The following TTBK2 variants were observed in gnomAD, a reference collection of about 807,000 sequenced individuals.
TTBK2 encodes the protein tau tubulin kinase 2, also known as tau-tubulin kinase 2.
In TTBK2, 28 loss-of-function variants were observed where a neutral mutation model predicts 110.8. The ratio of observed to expected loss-of-function variants is 0.25; its 90% CI spans 0.19 to 0.35. The LOEUF (loss-of-function observed/expected upper bound fraction) is 0.35, where lower values mean the gene tolerates loss of function less well. Among genes scored for constraint, TTBK2 ranks in the 10% least tolerant of loss-of-function variants. The probability of loss-of-function intolerance (pLI) is 1.00; values close to 1 mark genes in which losing one functional copy is unlikely to be tolerated. For missense variants in TTBK2, 1,369 were observed against 1,500.3 expected, an observed-to-expected ratio of 0.91 and a Z score of 1.45; for synonymous variants, 532 against 527.3, an observed-to-expected ratio of 1.01 and a Z score of -0.12.
chr15:42,787,710 C>T (rs1484034530), intron 10 of TTBK2, among the ~76,000 whole-genome samples: 1 of 152,134 alleles, frequency 6.6e-6, no homozygotes, highest in African/African-American at 2.4e-5. Context: ...CATAGGTTTT[C>T]CTCTGATCTT....
chr15:42,901,590 G>A, intron 1 of TTBK2, among the ~76,000 whole-genome samples: 1 of 149,418 alleles, frequency 6.7e-6, no homozygotes, highest in Admixed American at 6.7e-5. Context: ...AAGTCCAGCT[G>A]GGCAAAATAG....
intron 9 of TTBK2, among the ~76,000 whole-genome samples, chr15:42,796,712 A>G (rs1031594615): frequency 6.6e-6 from 1 of 152,230 alleles, no homozygotes; most frequent in Non-Finnish European, 1.5e-5. Flanking sequence ...TATATGCTCC[A>G]AGATGCTGAC....
At chr15:42,830,158 C>A in intron 4 of TTBK2, 80 bp from the exon 5 acceptor site, 2 of 1,539,304 alleles carry the variant, frequency 1.3e-6, no homozygotes, top group South Asian at 1.2e-5. Context: ...ACTCACTTAC[C>A]ATTAAAAGAT....
intron 4 of TTBK2, among the ~76,000 whole-genome samples, chr15:42,836,135 G>C (rs994440460): frequency 2.6e-5 from 4 of 151,944 alleles, no homozygotes; most frequent in African/African-American, 9.7e-5. Context: ...ACCTGGCTAA[G>C]GTCTTGTAAG....
Position 42,801,911 on chromosome 15 carries a change from T to C in TTBK2, c.823-7110A>G, listed in dbSNP as rs761083204. ...CTGAAGTCCTCCACCAGCCCATGCA[T>C]GTTGCCAAGCTCCGCCTCCAGCTTC... On this transcript the variant is annotated intron_variant, in intron 9 of 14. Transcript: ENST00000267890. The C allele has an allele frequency of 1.9e-6, 3 of 1,564,874 alleles. No individual in the cohort carries two copies. The Admixed American group carries it at 5.0e-5, about 26-fold the overall frequency.
intron 4 of TTBK2, among the ~76,000 whole-genome samples, chr15:42,838,860 G>C (rs1164506156): frequency 6.6e-6 from 1 of 152,000 alleles, no homozygotes; most frequent in East Asian, 1.9e-4. Context: ...CTGATGAAAA[G>C]AAAAAGAAAA....
intron 1 of TTBK2, among the ~76,000 whole-genome samples, chr15:42,886,792 T>C (rs1443548151): frequency 6.6e-6 from 1 of 152,214 alleles, no homozygotes; most frequent in Non-Finnish European, 1.5e-5. Context: ...TCCCCCAGGA[T>C]CTTGCTTCAA....
chr15:42,789,779 ATGTG>A (rs1047035816), intron 10 of TTBK2, among the ~76,000 whole-genome samples: 4 of 151,096 alleles, frequency 2.6e-5, no homozygotes, highest in East Asian at 1.9e-4. Context: ...ATAGTCCATT[ATGTG>A]TGTGTGTGTA....
chr15:42,853,880 CA>C (rs1380467102), intron 3 of TTBK2, among the ~76,000 whole-genome samples: 2 of 145,916 alleles, frequency 1.4e-5, no homozygotes, highest in Admixed American at 6.8e-5. Context: ...GGCTCCGTCT[CA>C]AAAAAAAATA....
intron 13 of TTBK2, among the ~76,000 whole-genome samples, chr15:42,762,979 C>T (rs547464672): frequency 1.7e-4 from 25 of 147,158 alleles, no homozygotes; most frequent in East Asian, 4.0e-4. Flanking sequence ...GTAGCGGGAA[C>T]GGGGAGATAG....
chr15:42,898,965 A>T (rs1362281926), intron 1 of TTBK2, among the ~76,000 whole-genome samples: 1 of 152,206 alleles, frequency 6.6e-6, no homozygotes, highest in Non-Finnish European at 1.5e-5. Flanking sequence ...AATAATAAAA[A>T]CTAATTTTAA....
At chr15:42,764,324 AG>A (rs1277922836) in intron 13 of TTBK2, among the ~76,000 whole-genome samples, 1 of 152,180 alleles carries the variant, frequency 6.6e-6, no homozygotes, top group Non-Finnish European at 1.5e-5. Flanking sequence ...CGGGAAGCAT[AG>A]GGGGTTGGGG....
At chr15:42,778,587 G>C (rs992559444) in intron 11 of TTBK2, among the ~76,000 whole-genome samples, 1 of 152,156 alleles carries the variant, frequency 6.6e-6, no homozygotes, top group African/African-American at 2.4e-5. Context: ...AGAATCACTT[G>C]AACCCAGGAG....
At position 42,745,187 on chromosome 15, in the gene TTBK2, T is replaced by C. The variant is rs1233442287; in HGVS notation, c.*608A>G. ...GGACCATAAAATAAAAGCAGAGAGA[T>C]TGAATCAGACGAGACATACAAAATT... On this transcript the variant is annotated 3_prime_UTR_variant, in exon 15 of 15. Transcript: ENST00000267890. 6.4e-6 allele frequency: 1 copy of C among 155,766 alleles called. No homozygotes were observed. Among genetic ancestry groups the C allele is most frequent in the Non-Finnish European group, 1.4e-5 (1 of 69,442 alleles). 9.6% of individuals were successfully genotyped at this position (155,766 alleles called of 1,614,324 possible). A position where few individuals can be genotyped will look rare whatever the true frequency, so the allele number is the denominator to read the frequency against.
In TTBK2 at chr15:42,746,149, C is replaced by CTGA; in HGVS notation, c.3378_3380dup (p.Thr1126_Gln1127insHis). 1 of 1,614,150 alleles carries CTGA rather than the reference C, an allele frequency of 6.2e-7. No individual in the cohort carries two copies. The highest frequency in any genetic ancestry group is 8.5e-7 in the Non-Finnish European group (1 of 1,180,038). On this transcript the variant is annotated inframe_insertion, in exon 15 of 15. Transcript: ENST00000267890. The stretch of plus-strand genomic sequence containing the variant: ...TGTGAGGAGATCCTGGACTCTTGCA[C>CTGA]TGAGTAGTGCTCCGGGGTTTCTGAG...
At chr15:42,866,922 A>C (rs1359275906) in intron 3 of TTBK2, among the ~76,000 whole-genome samples, 1 of 152,200 alleles carries the variant, frequency 6.6e-6, no homozygotes, top group Non-Finnish European at 1.5e-5. Context: ...TTGAAGGGGA[A>C]TTTATAGCAC....
At chr15:42,828,160 C>G in intron 5 of TTBK2, 128 bp from the exon 6 acceptor site, 4 of 709,298 alleles carry the variant, frequency 5.6e-6, no homozygotes, top group South Asian at 5.6e-5. Context: ...ATATACTATT[C>G]TAGTAAATGA....
intron 4 of TTBK2, among the ~76,000 whole-genome samples, chr15:42,834,053 A>G (rs1015441228): frequency 6.6e-6 from 1 of 151,754 alleles, no homozygotes; most frequent in Non-Finnish European, 1.5e-5. Flanking sequence ...TTAGCTGGGC[A>G]TGGTAGCAGA....
At chr15:42,795,197 A>G (rs1021682583) in intron 9 of TTBK2, among the ~76,000 whole-genome samples, 23 of 152,060 alleles carry the variant, frequency 1.5e-4, no homozygotes, top group Non-Finnish European at 2.9e-5. Flanking sequence ...AAAAGTAGCC[A>G]GTGTTAACAT....
Sources: allele counts gnomAD v4.1 joint callset (sites outside exome capture counted in the v4.1 genomes callset), GRCh38; gene constraint gnomAD v4.1.1; transcripts MANE v1.5; gene names NCBI Gene and HGNC (gene_info 2026-07-23, HGNC 2026-07-21).